The following TNKS2 variants were observed in gnomAD, a reference collection of about 807,000 sequenced individuals.
The protein encoded by TNKS2 is tankyrase 2, also known as poly [ADP-ribose] polymerase tankyrase-2.
In TNKS2, 72 loss-of-function variants were observed where a neutral mutation model predicts 137.6. That is an observed-to-expected ratio of 0.52 (90% CI 0.43 to 0.64). TNKS2 has a LOEUF of 0.64. Ranked by LOEUF, TNKS2 falls within the 30% of genes least tolerant of loss-of-function variation. The pLI is 0.00. For synonymous variants in TNKS2, 516 were observed against 512.1 expected, an observed-to-expected ratio of 1.01 and a Z score of -0.10; for missense variants, 1,049 against 1,410.2, an observed-to-expected ratio of 0.74 and a Z score of 4.10.
rs191276495 is a variant in TNKS2, at chr10:91,837,603, T to C, written c.1527+605T>C. 3.3e-5 allele frequency among the ~76,000 whole-genome samples: 5 copies of C among 152,306 alleles called. 1 individual carries two copies. Among genetic ancestry groups the C allele is most frequent in the Admixed American group, 3.3e-4 (5 of 15,302 alleles). On this transcript the variant is annotated intron_variant, in intron 13 of 26. Coordinates refer to ENST00000371627, the MANE Select transcript of TNKS2 (RefSeq NM_025235.4). Reference sequence around the variant, plus strand: ...GGGCCCAGTGGCTCACACCTGTCGGTAATCCCAGCACTTCGTGAGGCTGAG... The same window carrying C: ...GGGCCCAGTGGCTCACACCTGTCGGCAATCCCAGCACTTCGTGAGGCTGAG...
chr10:91,798,736 G>A lies in TNKS2; in HGVS notation c.46G>A (p.Ala16Thr). The A allele has an allele frequency of 1.6e-6, 2 of 1,244,610 alleles. No homozygotes were observed. The highest frequency in any genetic ancestry group is 3.9e-5 in the South Asian group (1 of 25,846). 77.1% of individuals were successfully genotyped at this position (1,244,610 alleles called of 1,614,324 possible). The change falls in exon 1 of 27, where the codon GCC becomes ACC. Residue 16 changes from alanine to threonine, a missense_variant. Ala to Thr is a moderately conservative substitution (Grantham distance 58, BLOSUM62 0). Around this residue, in one of 6 missense-constraint regions of TNKS2, gnomAD observed 374 missense variants for 460.8 expected, o/e 0.81. Coordinates refer to ENST00000371627, the MANE Select transcript of TNKS2 (RefSeq NM_025235.4). ...CGGCGGGGGAGCGGCCTGCGCGAGC[G>A]CCGCGGCCGAGGCCGTGGAGCCGGC... is the stretch of plus-strand genomic sequence containing the variant. Reference protein sequence around the residue: ...CAGGGAACASAAAEAVEPAAR... With the variant: ...CAGGGAACASTAAEAVEPAAR...
At chr10:91,820,813 T>G (rs1415768805) in intron 6 of TNKS2, among the ~76,000 whole-genome samples, 6 of 152,058 alleles carry the variant, frequency 3.9e-5, no homozygotes, top group Non-Finnish European at 7.4e-5. Flanking sequence ...GCAGAAGAAA[T>G]GAAAATGAAG....
Position 91,863,014 on chromosome 10 carries a change from A to AT in TNKS2, c.*15_*16insT. On this transcript the variant is annotated 3_prime_UTR_variant, in exon 27 of 27. Coordinates refer to ENST00000371627, the MANE Select transcript of TNKS2 (RefSeq NM_025235.4). ...TCGATGGATAAATAGTTATTTTAAG[A>AT]AACTAATTCCACTGAACCTAAAATC... 3 of 1,578,664 alleles carry AT rather than the reference A, an allele frequency of 1.9e-6. No homozygotes were observed. Among genetic ancestry groups the AT allele is most frequent in the Non-Finnish European group, 2.6e-6 (3 of 1,150,540 alleles).
intron 14 of TNKS2, among the ~76,000 whole-genome samples, chr10:91,840,938 A>G (rs1842191121): frequency 6.6e-6 from 1 of 152,228 alleles, no homozygotes; most frequent in South Asian, 2.1e-4. Context: ...AGATTATAAC[A>G]TTAGTGTGAT....
At chr10:91,821,173 G>A (rs1844879053) in intron 6 of TNKS2, among the ~76,000 whole-genome samples, 1 of 152,128 alleles carries the variant, frequency 6.6e-6, no homozygotes, top group Non-Finnish European at 1.5e-5. Flanking sequence ...GAGTAGCTGG[G>A]ATTACAGGTG....
intron 1 of TNKS2, among the ~76,000 whole-genome samples, chr10:91,810,943 T>TTTTTTTTTTTTTTTTTTTTTTTTTTA (rs1844482136): frequency 7.3e-6 from 1 of 137,274 alleles, no homozygotes. Context: ...TTTTTTTTTT[T>TTTTTTTTTTTTTTTTTTTTTTTTTTA]GAGATGGAGT....
intron 9 of TNKS2, among the ~76,000 whole-genome samples, chr10:91,829,712 G>T (rs935784359): frequency 1.3e-5 from 2 of 152,174 alleles, no homozygotes; most frequent in Non-Finnish European, 1.5e-5. Context: ...AATGATTTTG[G>T]TGACAGCAAC....
rs1378262200 is a variant in TNKS2, at chr10:91,819,261, A to G, written c.521-9A>G. 7.6e-6 allele frequency: 10 copies of G among 1,312,990 alleles called. No individual in the cohort carries two copies. The highest frequency in any genetic ancestry group is 5.7e-5 in the East Asian group (2 of 35,070). The allele number at this position is 1,312,990 out of a possible 1,614,324, so 81.3% of individuals were successfully genotyped here. On this transcript the variant is annotated splice_polypyrimidine_tract_variant and intron_variant, in intron 3 of 26. Coordinates refer to ENST00000371627, the MANE Select transcript of TNKS2 (RefSeq NM_025235.4). ...AATTTCTATACTTTTTTTTTTTTCT[A>G]ATTCACAGGTGAATATAAGAAAGAT...
intron 18 of TNKS2, among the ~76,000 whole-genome samples, chr10:91,847,350 T>A (rs1280083114): frequency 2.0e-5 from 3 of 152,100 alleles, no homozygotes; most frequent in African/African-American, 7.2e-5. Context: ...TCTAGCAGAT[T>A]TTTTTTAATT....
chr10:91,859,766 A>G, intron 25 of TNKS2, 118 bp downstream of exon 25: 1 of 759,794 alleles, frequency 1.3e-6, no homozygotes, highest in East Asian at 2.8e-5. Flanking sequence ...CATGTTTTAG[A>G]TTGCTTTTGG....
intron 3 of TNKS2, among the ~76,000 whole-genome samples, chr10:91,817,826 T>C (rs1844760534): frequency 6.6e-6 from 1 of 152,228 alleles, no homozygotes; most frequent in African/African-American, 2.4e-5. Flanking sequence ...TTGACAAGCT[T>C]TCCTGAGTTG....
chr10:91,819,360 C>CA, intron 4 of TNKS2, 54 bp downstream of exon 4: 2 of 1,160,312 alleles, frequency 1.7e-6, no homozygotes, highest in Non-Finnish European at 2.3e-6. Flanking sequence ...TTAACTTTTT[C>CA]TTTTTTTTTT....
intron 11 of TNKS2, among the ~76,000 whole-genome samples, chr10:91,833,120 A>G (rs950649067): frequency 3.9e-5 from 6 of 152,154 alleles, no homozygotes; most frequent in African/African-American, 1.2e-4. Context: ...TTTGACTAGT[A>G]TATACACCTA....
In TNKS2 at chr10:91,807,118, TTC is replaced by T. The variant is rs1306245402; in HGVS notation, c.200-5861_200-5860del. The T allele has an allele frequency of 2.1e-6, 3 of 1,460,992 alleles. No individual in the cohort carries two copies. The African/African-American group carries it at 4.2e-5, about 21-fold the overall frequency. The allele number at this position is 1,460,992 out of a possible 1,614,324, so 90.5% of individuals were successfully genotyped here. A position where few individuals can be genotyped will look rare whatever the true frequency, so the allele number is the denominator to read the frequency against. On this transcript the variant is annotated intron_variant, in intron 1 of 26. Coordinates refer to ENST00000371627, the MANE Select transcript of TNKS2 (RefSeq NM_025235.4). ...ATAAAGTACTTTCTGTCCCAACACTTTCTCTAATTCAAAAGATATTTACTTCC... is the reference window on the plus strand; with the variant it reads ...ATAAAGTACTTTCTGTCCCAACACTTTCTAATTCAAAAGATATTTACTTCC...
At chr10:91,799,841 G>GT (rs924299789) in intron 1 of TNKS2, among the ~76,000 whole-genome samples, 6 of 152,092 alleles carry the variant, frequency 3.9e-5, no homozygotes, top group Non-Finnish European at 7.4e-5. Flanking sequence ...GACAATCCTG[G>GT]TTTTTTGTTT....
At chr10:91,834,704 A>C (rs949160758) in intron 12 of TNKS2, among the ~76,000 whole-genome samples, 4 of 152,244 alleles carry the variant, frequency 2.6e-5, no homozygotes, top group East Asian at 1.9e-4. Context: ...AGATGAAAGC[A>C]GATTGATACA....
rs567054664 is a variant in TNKS2 at position 91,828,310 on chromosome 10, G to A, written c.1008G>A (p.Leu336=). 1.3e-6 allele frequency: 2 copies of A among 1,596,028 alleles called. No individual in the cohort carries two copies. Among genetic ancestry groups the A allele is most frequent in the East Asian group, 2.3e-5 (1 of 43,974 alleles). The change falls in exon 9 of 27, where the codon CTG becomes CTA. Residue 336 remains leucine (L), a synonymous_variant. Transcript: ENST00000371627. ...ATGAATTTAAAGGCCACTCGTTGCT[G>A]CAAGCTGCACGAGAAGCTGATGTTA... ...LAYEFKGHSL[L]QAAREADVTR...
intron 24 of TNKS2, among the ~76,000 whole-genome samples, chr10:91,859,062 C>G (rs1309710701): frequency 6.6e-6 from 1 of 151,908 alleles, no homozygotes; most frequent in Non-Finnish European, 1.5e-5. Context: ...CACTTGGTAT[C>G]TTCAAAAAAG....
chr10:91,829,779 TAAC>T (rs1340507534), intron 9 of TNKS2, among the ~76,000 whole-genome samples: 1 of 152,208 alleles, frequency 6.6e-6, no homozygotes. Context: ...TATGATTGAT[TAAC>T]AACAGGTTAA....
Sources: allele counts gnomAD v4.1 joint callset (sites outside exome capture counted in the v4.1 genomes callset), GRCh38; gene constraint gnomAD v4.1.1; regional missense constraint gnomAD v4.1.1; transcripts MANE v1.5; gene names NCBI Gene and HGNC (gene_info 2026-07-23, HGNC 2026-07-21).